RAPGEF4: variants seen among roughly 807,000 people sequenced by gnomAD.
The protein encoded by RAPGEF4 is RAP guanine-nucleotide-exchange factor (GEF) 4.
A neutral mutation model predicts 147.9 loss-of-function variants in RAPGEF4; 66 were observed. That is an observed-to-expected ratio of 0.45 (90% confidence interval 0.37 to 0.55). The LOEUF (loss-of-function observed/expected upper bound fraction) is 0.55, where lower values mean the gene tolerates loss of function less well. Among genes scored for constraint, RAPGEF4 ranks in the 20% least tolerant of loss-of-function variants. RAPGEF4 has a pLI of 0.00. For synonymous variants in RAPGEF4, 419 were observed against 442.7 expected, an observed-to-expected ratio of 0.95 and a Z score of 0.67; for missense variants, 1,071 against 1,257.3, an observed-to-expected ratio of 0.85 and a Z score of 2.24.
intron 4 of RAPGEF4, among the ~76,000 whole-genome samples, chr2:172,886,864 T>G (rs912639143): frequency 1.3e-5 from 2 of 152,210 alleles, no homozygotes; most frequent in African/African-American, 4.8e-5. Context: ...ACTTCCACTT[T>G]TACGTGGGAA....
intron 22 of RAPGEF4, 78 bp downstream of exon 22, chr2:173,018,880 G>C: frequency 6.7e-7 from 1 of 1,500,834 alleles, no homozygotes; most frequent in Admixed American, 1.8e-5. Context: ...AGGAGTTAGC[G>C]TGGTCATGTG....
At chr2:172,947,371 G>A (rs539287529) in intron 6 of RAPGEF4, among the ~76,000 whole-genome samples, 37 of 152,130 alleles carry the variant, frequency 2.4e-4, no homozygotes, top group Admixed American at 6.5e-4. Context: ...GGTGTTTTAC[G>A]TAGTAGTAGA....
chr2:172,997,172 T>C (rs1022284215), intron 16 of RAPGEF4, among the ~76,000 whole-genome samples: 2 of 152,206 alleles, frequency 1.3e-5, no homozygotes, highest in Non-Finnish European at 2.9e-5. Context: ...TCTCCTAGCC[T>C]CCTGTGGTTT....
chr2:172,993,095 G>A (rs1286447494), intron 15 of RAPGEF4, among the ~76,000 whole-genome samples: 1 of 151,928 alleles, frequency 6.6e-6, no homozygotes, highest in African/African-American at 2.4e-5. Context: ...TTATTTTTCT[G>A]GTTCATTTTT....
intron 13 of RAPGEF4, 32 bp from the exon 14 acceptor site, chr2:172,988,661 T>C: frequency 6.3e-7 from 1 of 1,591,332 alleles, no homozygotes; most frequent in Non-Finnish European, 8.6e-7. Flanking sequence ...ATTTCAGGGA[T>C]CTTCTTCATC....
chr2:173,026,669 A>G lies in RAPGEF4; in HGVS notation c.2351A>G (p.Asp784Gly). 6.2e-7 allele frequency: 1 copy of G among 1,614,060 alleles called. No individual in the cohort carries two copies. The highest frequency in any genetic ancestry group is 8.5e-7 in the Non-Finnish European group (1 of 1,179,972). ...TTAGCATACCAGATGACAATTTATGATTGGGAACTCTTCAACTGCGTGCAT... is the reference window on the plus strand; with the variant it reads ...TTAGCATACCAGATGACAATTTATGGTTGGGAACTCTTCAACTGCGTGCAT... ...KDLAYQMTIYDWELFNCVHEL... is the reference protein window; with the variant it reads ...KDLAYQMTIYGWELFNCVHEL... Residue 784 changes from aspartate (D) to glycine (G), a missense_variant, in exon 24 of 31, where the codon GAT (aspartate) becomes GGT (glycine). Physicochemically the swap from Asp to Gly is moderately conservative, Grantham distance 94. Transcript: ENST00000397081.
At chr2:172,816,952 A>T (rs1688571621) in intron 4 of RAPGEF4, among the ~76,000 whole-genome samples, 1 of 152,250 alleles carries the variant, frequency 6.6e-6, no homozygotes, top group South Asian at 2.1e-4. Context: ...AAAATGCAAT[A>T]AACCCCATTA....
intron 4 of RAPGEF4, among the ~76,000 whole-genome samples, chr2:172,834,474 A>G (rs1690706825): frequency 6.6e-6 from 1 of 152,240 alleles, no homozygotes; most frequent in Admixed American, 6.5e-5. Flanking sequence ...TAATGCTACA[A>G]TTGTGGTGAC....
At chr2:172,887,749 G>A (rs982737922) in intron 4 of RAPGEF4, among the ~76,000 whole-genome samples, 1 of 151,966 alleles carries the variant, frequency 6.6e-6, no homozygotes, top group Non-Finnish European at 1.5e-5. Context: ...TCTGCTTGCC[G>A]AACCTTTTCG....
chr2:172,787,045 A>C (rs893170355), intron 1 of RAPGEF4, among the ~76,000 whole-genome samples: 2 of 151,948 alleles, frequency 1.3e-5, no homozygotes, highest in African/African-American at 4.8e-5. Context: ...CCCCATCTCT[A>C]CTAAAAATAC....
At chr2:173,000,383 G>A (rs544568961) in intron 16 of RAPGEF4, among the ~76,000 whole-genome samples, 5 of 152,262 alleles carry the variant, frequency 3.3e-5, no homozygotes, top group African/African-American at 9.6e-5. Context: ...TAAGATGAGC[G>A]TCACAATCTC....
chr2:172,861,071 G>A (rs1419375008), intron 4 of RAPGEF4, among the ~76,000 whole-genome samples: 1 of 151,906 alleles, frequency 6.6e-6, no homozygotes, highest in Admixed American at 6.6e-5. Context: ...TTTCATTATC[G>A]AGACTATGAA....
chr2:172,751,386 C>A (rs903599684), intron 1 of RAPGEF4, among the ~76,000 whole-genome samples: 5 of 152,002 alleles, frequency 3.3e-5, no homozygotes, highest in African/African-American at 1.2e-4. Context: ...CTAGTATGTG[C>A]CAGATGCTGT....
chr2:172,811,614 T>G (rs1282124869), intron 3 of RAPGEF4, among the ~76,000 whole-genome samples: 1 of 152,202 alleles, frequency 6.6e-6, no homozygotes, highest in African/African-American at 2.4e-5. Context: ...TTATGTTACA[T>G]CCAGAAACAG....
At position 172,942,266 on chromosome 2, in the gene RAPGEF4, T is replaced by C. The variant is rs568973981; in HGVS notation, c.538-18494T>C. ...TGCACCACAATTACCTAATATTAACTGGAGTCACCATGTTCTGCAATAGAT... is the reference window on the plus strand; with the variant it reads ...TGCACCACAATTACCTAATATTAACCGGAGTCACCATGTTCTGCAATAGAT... On this transcript the variant is annotated intron_variant, in intron 6 of 30. Coordinates refer to ENST00000397081, the MANE Select transcript of RAPGEF4 (RefSeq NM_007023.4). Among the ~76,000 whole-genome samples, 3 of 150,122 alleles carry C rather than the reference T, an allele frequency of 2.0e-5. No individual in the cohort carries two copies. In the East Asian group the frequency reaches 6.2e-4, roughly 31 times the overall value.
chr2:173,017,023 T>C, intron 19 of RAPGEF4, 151 bp from the exon 20 acceptor site: 1 of 719,422 alleles, frequency 1.4e-6, no homozygotes, highest in Non-Finnish European at 2.4e-6. Context: ...TGCTTTGATC[T>C]ATTACTATTA....
intron 30 of RAPGEF4, 60 bp from the exon 31 acceptor site, chr2:173,051,580 G>T (rs1261528198): frequency 5.3e-6 from 8 of 1,520,412 alleles, no homozygotes; most frequent in Non-Finnish European, 7.2e-6. Flanking sequence ...GGAGAAGTAA[G>T]ATTGTATCTT....
In RAPGEF4 at chr2:172,890,290, C is replaced by T. The variant is rs531933422; in HGVS notation, c.445-27512C>T. ...TCAGGACTTTGATGACTGGCGACAG[C>T]CATTTCCACAATTGTCCTTGGGGAC... On this transcript the variant is annotated intron_variant, in intron 4 of 30. Coordinates refer to ENST00000397081, the MANE Select transcript of RAPGEF4 (RefSeq NM_007023.4). Among the ~76,000 whole-genome samples, 5 of 152,302 alleles carry T rather than the reference C, an allele frequency of 3.3e-5. No homozygotes were observed. The South Asian group carries it at 6.2e-4, about 19-fold the overall frequency.
At chr2:172,787,329 A>C (rs2149525392) in intron 1 of RAPGEF4, among the ~76,000 whole-genome samples, 1 of 152,142 alleles carries the variant, frequency 6.6e-6, no homozygotes, top group South Asian at 2.1e-4. Flanking sequence ...TGATTTATAT[A>C]GAACTTAAAA....
Sources: allele counts gnomAD v4.1 joint callset (sites outside exome capture counted in the v4.1 genomes callset), GRCh38; gene constraint gnomAD v4.1.1; transcripts MANE v1.5; gene names NCBI Gene and HGNC (gene_info 2026-07-23, HGNC 2026-07-21).